Variants in PLPPR1 observed in about 807,000 individuals in gnomAD.
PLPPR1 encodes the protein phospholipid phosphatase related 1.
Under a neutral mutation model 33.1 loss-of-function variants are expected in PLPPR1, and 10 were observed. That is an observed-to-expected ratio of 0.30 (90% CI 0.19 to 0.51). PLPPR1 has a LOEUF of 0.51. Among genes scored for constraint, PLPPR1 ranks in the 20% least tolerant of loss-of-function variants. PLPPR1 has a pLI of 0.97. For synonymous variants in PLPPR1, 151 were observed against 151.0 expected, an observed-to-expected ratio of 1.00 and a Z score of 0.00; for missense variants, 304 against 408.1, an observed-to-expected ratio of 0.74 and a Z score of 2.20.
intron 1 of PLPPR1, among the ~76,000 whole-genome samples, chr9:101,036,197 T>C (rs1830007410): frequency 6.6e-6 from 1 of 152,166 alleles, no homozygotes; most frequent in Non-Finnish European, 1.5e-5. Flanking sequence ...CCCTGCTCTT[T>C]CCACAAAGGA....
At chr9:101,091,230 A>G (rs1830737741) in intron 1 of PLPPR1, among the ~76,000 whole-genome samples, 1 of 152,078 alleles carries the variant, frequency 6.6e-6, no homozygotes, top group African/African-American at 2.4e-5. Context: ...CCAGGACAGA[A>G]TCTTGGTATC....
intron 1 of PLPPR1, among the ~76,000 whole-genome samples, chr9:101,166,149 C>T (rs2118680867): frequency 6.6e-6 from 1 of 152,346 alleles, no homozygotes; most frequent in South Asian, 2.1e-4. Context: ...AGCATCACTG[C>T]ACGTCCACAT....
chr9:101,156,332 T>C (rs1344592405), intron 1 of PLPPR1, among the ~76,000 whole-genome samples: 1 of 152,006 alleles, frequency 6.6e-6, no homozygotes, highest in Non-Finnish European at 1.5e-5. Flanking sequence ...GATGGATCAC[T>C]TGAGCTCAAG....
At chr9:101,182,033 G>A (rs1423738262) in intron 1 of PLPPR1, among the ~76,000 whole-genome samples, 1 of 150,942 alleles carries the variant, frequency 6.6e-6, no homozygotes, top group Non-Finnish European at 1.5e-5. Flanking sequence ...ATACTATTTG[G>A]TGAACATATA....
chr9:101,126,216 T>G (rs1206287824), intron 1 of PLPPR1, among the ~76,000 whole-genome samples: 5 of 152,240 alleles, frequency 3.3e-5, no homozygotes, highest in Non-Finnish European at 7.3e-5. Context: ...TGTCAACAAC[T>G]GAGCAATTCT....
intron 1 of PLPPR1, among the ~76,000 whole-genome samples, chr9:101,055,135 C>G (rs941430533): frequency 6.6e-6 from 1 of 152,196 alleles, no homozygotes; most frequent in South Asian, 2.1e-4. Flanking sequence ...GGGCTTTTCA[C>G]ACTTTGAATA....
At chr9:101,170,490 C>T (rs1236795138) in intron 1 of PLPPR1, among the ~76,000 whole-genome samples, 1 of 152,184 alleles carries the variant, frequency 6.6e-6, no homozygotes, top group African/African-American at 2.4e-5. Flanking sequence ...CACTGGGTCC[C>T]TCCCATGACA....
At chr9:101,252,466 T>A (rs1165566287) in intron 2 of PLPPR1, among the ~76,000 whole-genome samples, 2 of 152,120 alleles carry the variant, frequency 1.3e-5, no homozygotes, top group Non-Finnish European at 2.9e-5. Flanking sequence ...TTATGCAGGA[T>A]CCTTAAATGT....
chr9:101,157,189 CTA>C (rs960031727), intron 1 of PLPPR1, among the ~76,000 whole-genome samples: 8 of 152,076 alleles, frequency 5.3e-5, no homozygotes, highest in African/African-American at 1.9e-4. Flanking sequence ...CCTGATTTTT[CTA>C]TGTTAATGAA....
rs554442024 is a variant in PLPPR1 at position 101,285,152 on chromosome 9, C to T, written c.253-952C>T. Among the ~76,000 whole-genome samples, 7 of 152,230 alleles carry T rather than the reference C, an allele frequency of 4.6e-5. No individual in the cohort carries two copies. The East Asian group carries it at 1.3e-3, about 29-fold the overall frequency. ...GTATTTAATAGATAACGGTAATTAA[C>T]CTTTTACTTTTCCTTGATGAGTCTC... On this transcript the variant is annotated intron_variant, in intron 3 of 7. Transcript: ENST00000374874.
At chr9:101,202,391 C>T (rs998543580) in intron 2 of PLPPR1, among the ~76,000 whole-genome samples, 3 of 152,216 alleles carry the variant, frequency 2.0e-5, no homozygotes, top group Admixed American at 6.5e-5. Context: ...CTTCTCTTGT[C>T]TTACCTATGT....
chr9:101,197,192 C>T (rs963709526), intron 2 of PLPPR1, among the ~76,000 whole-genome samples: 10 of 152,108 alleles, frequency 6.6e-5, no homozygotes, highest in Non-Finnish European at 8.8e-5. Flanking sequence ...TTTGGTCACG[C>T]GTATCTGTTT....
chr9:101,220,433 A>AAAACTGTTTTC (rs1332950420), intron 2 of PLPPR1, among the ~76,000 whole-genome samples: 8 of 152,230 alleles, frequency 5.3e-5, no homozygotes, highest in Non-Finnish European at 1.0e-4. Flanking sequence ...CAATATCAGG[A>AAAACTGTTTTC]AAACTGTTTT....
intron 2 of PLPPR1, among the ~76,000 whole-genome samples, chr9:101,234,438 C>G (rs895810891): frequency 6.6e-6 from 1 of 151,850 alleles, no homozygotes; most frequent in East Asian, 1.9e-4. Context: ...TCCCAATTTA[C>G]AAATTTATAA....
chr9:101,164,687 T>C (rs1341422148), intron 1 of PLPPR1, among the ~76,000 whole-genome samples: 4 of 152,158 alleles, frequency 2.6e-5, no homozygotes, highest in African/African-American at 9.7e-5. Flanking sequence ...CTGTTTTTTT[T>C]CATTCCCGTG....
At chr9:101,321,499 A>G (rs1829147718) in intron 7 of PLPPR1, among the ~76,000 whole-genome samples, 1 of 152,182 alleles carries the variant, frequency 6.6e-6, no homozygotes, top group Non-Finnish European at 1.5e-5. Flanking sequence ...TCAAAGCATT[A>G]TTTTATGATT....
chr9:101,095,375 A>C (rs1830804514), intron 1 of PLPPR1, among the ~76,000 whole-genome samples: 1 of 152,104 alleles, frequency 6.6e-6, no homozygotes, highest in African/African-American at 2.4e-5. Flanking sequence ...CATTGTCCTT[A>C]CTACTCCTTG....
intron 1 of PLPPR1, among the ~76,000 whole-genome samples, chr9:101,157,576 A>G (rs965640126): frequency 1.8e-4 from 27 of 152,196 alleles, no homozygotes; most frequent in African/African-American, 6.5e-4. Flanking sequence ...AAGTCTGAGA[A>G]GAAACCCCTG....
At chr9:101,171,526 T>C (rs1000409796) in intron 1 of PLPPR1, among the ~76,000 whole-genome samples, 15 of 152,174 alleles carry the variant, frequency 9.9e-5, no homozygotes, top group Admixed American at 2.0e-4. Flanking sequence ...GCGAAGAGAC[T>C]GTAGAGAAGG....
Sources: gnomAD v4.1 joint callset for allele counts (sites outside exome capture counted in the v4.1 genomes callset) on GRCh38, gnomAD v4.1.1 for gene constraint, MANE v1.5 for transcripts, NCBI Gene and HGNC (gene_info 2026-07-23, HGNC 2026-07-21) for gene names.